NRXN1: variants seen among roughly 807,000 people sequenced by gnomAD.
NRXN1 encodes the protein neurexin-1.
A neutral mutation model predicts 150.9 loss-of-function variants in NRXN1; 39 were observed. The ratio of observed to expected loss-of-function variants is 0.26; its 90% CI spans 0.20 to 0.34. The LOEUF (loss-of-function observed/expected upper bound fraction) is 0.34, where lower values mean the gene tolerates loss of function less well. Among genes scored for constraint, NRXN1 ranks in the 10% least tolerant of loss-of-function variants. The pLI, the probability that NRXN1 is intolerant of heterozygous loss-of-function variation, is 1.00. For synonymous variants in NRXN1, 924 were observed against 757.0 expected, an observed-to-expected ratio of 1.22 and a Z score of -3.62; for missense variants, 1,815 against 1,949.9, an observed-to-expected ratio of 0.93 and a Z score of 1.30.
intron 21 of NRXN1, among the ~76,000 whole-genome samples, chr2:49,964,552 C>CA (rs1380511621): frequency 1.3e-5 from 2 of 150,448 alleles, no homozygotes; most frequent in African/African-American, 4.9e-5. Flanking sequence ...TGCACTTCAG[C>CA]AAAAAAGCCA....
rs10174398 is a variant in NRXN1, at chr2:50,968,463, T to A, written c.773-42508A>T. 8.4e-3 allele frequency among the ~76,000 whole-genome samples: 1,274 copies of A among 151,894 alleles called. 18 individuals are homozygous for A. Among genetic ancestry groups the A allele is most frequent in the African/African-American group, 0.03 (1,223 of 41,406 alleles). ...ACCAGTCCACCTCTATCTGTACCCA[T>A]GCTCTCTCCATATAATGTTCTTCTC... On this transcript the variant is annotated intron_variant, in intron 2 of 22. Coordinates refer to ENST00000401669, the MANE Select transcript of NRXN1 (RefSeq NM_001330078.2).
At chr2:50,384,963 C>G (rs1302059343) in intron 17 of NRXN1, among the ~76,000 whole-genome samples, 1 of 152,138 alleles carries the variant, frequency 6.6e-6, no homozygotes, top group African/African-American at 2.4e-5. Context: ...GAGCCACCTC[C>G]TAACTTCAGA....
At chr2:50,459,621 T>G (rs1051370331) in intron 17 of NRXN1, among the ~76,000 whole-genome samples, 3 of 152,136 alleles carry the variant, frequency 2.0e-5, no homozygotes, top group Non-Finnish European at 1.5e-5. Flanking sequence ...CTCCATCCAT[T>G]ATCCCACAAA....
chr2:50,243,528 AT>A (rs1422855531), intron 17 of NRXN1, among the ~76,000 whole-genome samples: 5 of 151,916 alleles, frequency 3.3e-5, no homozygotes, highest in African/African-American at 9.6e-5. Context: ...TGAGCACACT[AT>A]TTTCTTGCAT....
chr2:50,599,895 T>C (rs1263239083), intron 8 of NRXN1, among the ~76,000 whole-genome samples: 3 of 152,180 alleles, frequency 2.0e-5, no homozygotes, highest in Non-Finnish European at 4.4e-5. Context: ...TTAGTTATTT[T>C]AATAACTATA....
chr2:50,161,442 TA>T (rs74720207), intron 18 of NRXN1, among the ~76,000 whole-genome samples: 36,081 of 152,020 alleles, frequency 0.24, 4,403 homozygotes, highest in Middle Eastern at 0.29. Flanking sequence ...AGACATGGGT[TA>T]AAAATGTTGA....
chr2:50,524,864 T>C (rs2092903138), intron 12 of NRXN1, among the ~76,000 whole-genome samples: 1 of 152,032 alleles, frequency 6.6e-6, no homozygotes, highest in African/African-American at 2.4e-5. Flanking sequence ...AAAGGCCAAA[T>C]TTTCAGAAAA....
intron 18 of NRXN1, among the ~76,000 whole-genome samples, chr2:50,101,162 T>C (rs151001841): frequency 1.0e-3 from 154 of 152,248 alleles, no homozygotes; most frequent in African/African-American, 3.5e-3. Context: ...TAAATTACTT[T>C]TTCTTGTACA....
intron 19 of NRXN1, among the ~76,000 whole-genome samples, chr2:50,057,190 C>G (rs906764043): frequency 3.3e-5 from 5 of 152,108 alleles, no homozygotes; most frequent in African/African-American, 7.2e-5. Flanking sequence ...ACAATCTGGT[C>G]CCTTCCTACC....
At chr2:50,090,047 A>G (rs965579724) in intron 19 of NRXN1, among the ~76,000 whole-genome samples, 1 of 152,228 alleles carries the variant, frequency 6.6e-6, no homozygotes, top group Non-Finnish European at 1.5e-5. Flanking sequence ...CAGTATTATA[A>G]CAGGCACTGG....
chr2:50,717,772 T>A, intron 5 of NRXN1, among the ~76,000 whole-genome samples: 1 of 152,114 alleles, frequency 6.6e-6, no homozygotes, highest in East Asian at 1.9e-4. Context: ...GGTTCACAGG[T>A]GGCACTCTTT....
Position 50,816,966 on chromosome 2 carries a change from G to A in NRXN1, c.832+104903C>T, listed in dbSNP as rs572620071. Among the ~76,000 whole-genome samples the A allele has an allele frequency of 4.6e-5, 7 of 152,092 alleles. 1 individual carries two copies. In the South Asian group the frequency reaches 1.5e-3, roughly 32 times the overall value. On this transcript the variant is annotated intron_variant, in intron 5 of 22. Coordinates refer to ENST00000401669, the MANE Select transcript of NRXN1 (RefSeq NM_001330078.2). Reference sequence around the variant, plus strand: ...GTTTAAGGTCTTTGAGTTTAAAACTGTTAGGAGGACTCTCAGGCTATATAA... The same window carrying A: ...GTTTAAGGTCTTTGAGTTTAAAACTATTAGGAGGACTCTCAGGCTATATAA...
chr2:50,600,534 A>G (rs887691542), intron 8 of NRXN1, among the ~76,000 whole-genome samples: 1 of 152,134 alleles, frequency 6.6e-6, no homozygotes, highest in Non-Finnish European at 1.5e-5. Context: ...CATGTTGACC[A>G]GGCTGGTCTC....
At chr2:50,045,130 T>C (rs895813716) in intron 21 of NRXN1, among the ~76,000 whole-genome samples, 6 of 150,790 alleles carry the variant, frequency 4.0e-5, no homozygotes, top group African/African-American at 1.5e-4. Flanking sequence ...ATGTATTTTT[T>C]ATTGCTGGAG....
Position 50,113,552 on chromosome 2 carries a change from C to G in NRXN1, c.3547-22058G>C, listed in dbSNP as rs547643829. ...TAGGAAAAGGATTAACCATAAACTG[C>G]CTTTTTCTGAGACATCTGTTCCATA... On this transcript the variant is annotated intron_variant, in intron 18 of 22. Transcript: ENST00000401669. Among the ~76,000 whole-genome samples, 4 of 152,298 alleles carry G rather than the reference C, an allele frequency of 2.6e-5. No homozygotes were observed. In the South Asian group the frequency reaches 8.3e-4, roughly 32 times the overall value.
chr2:50,579,235 G>A (rs748932578), intron 8 of NRXN1, among the ~76,000 whole-genome samples: 1 of 152,136 alleles, frequency 6.6e-6, no homozygotes, highest in Non-Finnish European at 1.5e-5. Flanking sequence ...ATTAGCTATT[G>A]TTTTCTGATA....
At chr2:49,939,292 T>A (rs1671564949) in intron 22 of NRXN1, among the ~76,000 whole-genome samples, 1 of 152,172 alleles carries the variant, frequency 6.6e-6, no homozygotes, top group Non-Finnish European at 1.5e-5. Context: ...AAAAAAATGT[T>A]ATCTATCTCT....
At chr2:50,251,596 G>A (rs763002375) in intron 17 of NRXN1, among the ~76,000 whole-genome samples, 9 of 152,242 alleles carry the variant, frequency 5.9e-5, no homozygotes, top group Non-Finnish European at 1.2e-4. Flanking sequence ...AGGTCTTTGA[G>A]GAATTGGCAC....
chr2:49,959,098 A>C (rs1675475497), intron 21 of NRXN1, among the ~76,000 whole-genome samples: 1 of 152,174 alleles, frequency 6.6e-6, no homozygotes, highest in African/African-American at 2.4e-5. Flanking sequence ...TATTTTCACT[A>C]TGATAATTTT....
Sources: allele counts gnomAD v4.1 joint callset (sites outside exome capture counted in the v4.1 genomes callset), GRCh38; gene constraint gnomAD v4.1.1; transcripts MANE v1.5; gene names NCBI Gene and HGNC (gene_info 2026-07-23, HGNC 2026-07-21).